Variants in TSEN2 observed in about 807,000 individuals in gnomAD.
The protein encoded by TSEN2 is tRNA splicing endonuclease subunit 2.
Under a neutral mutation model 59.2 loss-of-function variants are expected in TSEN2, and 54 were observed. The observed-to-expected ratio is 0.91, with a 90% CI of 0.73 to 1.14. TSEN2 has a LOEUF of 1.14. Among genes scored for constraint, TSEN2 ranks in the 50% most tolerant of loss-of-function variants. TSEN2 has a pLI of 0.00. For synonymous variants in TSEN2, 195 were observed against 198.2 expected, an observed-to-expected ratio of 0.98 and a Z score of 0.14; for missense variants, 636 against 576.2, an observed-to-expected ratio of 1.10 and a Z score of -1.06.
downstream of TSEN2, among the ~76,000 whole-genome samples, chr3:12,534,534 C>A (rs1292046964): frequency 5.9e-5 from 9 of 151,920 alleles, no homozygotes; most frequent in East Asian, 1.5e-3. Context: ...AAGGAGAGCC[C>A]AAAAAACACT....
chr3:12,494,256 T>A (rs967845244), intron 3 of TSEN2, among the ~76,000 whole-genome samples: 1 of 152,100 alleles, frequency 6.6e-6, no homozygotes, highest in African/African-American at 2.4e-5. Flanking sequence ...ATCCATATAA[T>A]GAAGGACCGT....
chr3:12,532,528 T>C, intron 11 of TSEN2, 134 bp from the exon 12 acceptor site: 1 of 787,544 alleles, frequency 1.3e-6, no homozygotes, highest in Non-Finnish European at 2.2e-6. Context: ...CAGATGTTTC[T>C]GTTCTAAAGG....
chr3:12,503,014 T>C (rs1407068784), intron 4 of TSEN2, among the ~76,000 whole-genome samples: 1 of 151,880 alleles, frequency 6.6e-6, no homozygotes, highest in Non-Finnish European at 1.5e-5. Flanking sequence ...GAGGTTGCAG[T>C]GAACCAAGAT....
At chr3:12,529,738 A>G (rs546385127) in intron 9 of TSEN2, 24 bp from the exon 10 acceptor site, 8 of 1,603,484 alleles carry the variant, frequency 5.0e-6, no homozygotes, top group Non-Finnish European at 6.8e-6. Flanking sequence ...ATTACTTTTA[A>G]CATGCTTTTT....
chr3:12,500,651 A>G (rs1426548940), intron 4 of TSEN2, among the ~76,000 whole-genome samples: 5 of 152,216 alleles, frequency 3.3e-5, no homozygotes, highest in African/African-American at 1.2e-4. Flanking sequence ...TAAAAACTCC[A>G]CAATGATATA....
downstream of TSEN2, among the ~76,000 whole-genome samples, chr3:12,537,044 G>A (rs1026283212): frequency 1.3e-5 from 2 of 150,638 alleles, no homozygotes; most frequent in African/African-American, 4.9e-5. Context: ...TGAAGTGAGA[G>A]AGAAGAAATA....
chr3:12,490,903 C>A (rs1324385778), intron 2 of TSEN2, among the ~76,000 whole-genome samples: 1 of 152,186 alleles, frequency 6.6e-6, no homozygotes, highest in Non-Finnish European at 1.5e-5. Context: ...CCAGGGAGGC[C>A]TTCATTTACA....
chr3:12,482,702 C>G (rs369559717), upstream of TSEN2, among the ~76,000 whole-genome samples: 1 of 152,270 alleles, frequency 6.6e-6, no homozygotes, highest in South Asian at 2.1e-4. Context: ...GCTCGGTTAT[C>G]TCTGACAACT....
chr3:12,525,421 T>C (rs1174065201), intron 8 of TSEN2, among the ~76,000 whole-genome samples: 1 of 152,244 alleles, frequency 6.6e-6, no homozygotes, highest in Non-Finnish European at 1.5e-5. Context: ...ATAATTATAA[T>C]AGTTGTCTGA....
rs766777732 is a variant in TSEN2, at chr3:12,519,174, G to T, written c.1076G>T (p.Gly359Val). ...FRSKGWVPKV[G>V]LKYGTDLLLY... ...AGCAAGGGCTGGGTGCCCAAAGTGG[G>T]ACTCAAGTACGGGACAGATTTACGT... is the stretch of plus-strand genomic sequence containing the variant. The change falls in exon 8 of 12, where the codon GGA becomes GTA. Residue 359 changes from glycine to valine, a missense_variant. By Grantham distance (109) the Gly-to-Val change is moderately radical (BLOSUM62 -3). Coordinates refer to ENST00000284995, the MANE Select transcript of TSEN2 (RefSeq NM_025265.4). 1.9e-6 allele frequency: 3 copies of T among 1,614,220 alleles called. No homozygotes were observed. The highest frequency in any genetic ancestry group is 2.2e-5 in the East Asian group (1 of 44,888).
At position 12,503,483 on chromosome 3, in the gene TSEN2, C is replaced by G; in HGVS notation, c.530C>G (p.Ser177Cys). 1 of 1,614,198 alleles carries G rather than the reference C, an allele frequency of 6.2e-7. No homozygotes were observed. Among genetic ancestry groups the G allele is most frequent in the East Asian group, 2.2e-5 (1 of 44,882 alleles). The part of the protein sequence containing the change: ...GERPSVVNGD[S>C]GKSGGVGDPR... ...AGACCTTCTGTGGTAAACGGGGACTCTGGAAAGTCAGGTGGTGTGGGTGAT... is the reference window on the plus strand; with the variant it reads ...AGACCTTCTGTGGTAAACGGGGACTGTGGAAAGTCAGGTGGTGTGGGTGAT... The change falls in exon 5 of 12, where the codon TCT becomes TGT. Residue 177 changes from serine (S) to cysteine (C), a missense_variant. Transcript: ENST00000284995.
chr3:12,503,978 A>T (rs1303494582), intron 5 of TSEN2, among the ~76,000 whole-genome samples, 194 bp downstream of exon 5: 1 of 152,192 alleles, frequency 6.6e-6, no homozygotes, highest in African/African-American at 2.4e-5. Flanking sequence ...CTTTTAAAAA[A>T]ATTTATAAAA....
rs2057584432 is a variant in TSEN2, at chr3:12,533,462, G to GC, written c.*741_*742insC. On this transcript the variant is annotated 3_prime_UTR_variant, in exon 12 of 12. Transcript: ENST00000284995. Reference sequence around the variant, plus strand: ...CATGGATCGCTTGAGCCCAGGAGTTGGAGACCAGCTTGGGCAACATGGTGA... The same window carrying GC: ...CATGGATCGCTTGAGCCCAGGAGTTGCGAGACCAGCTTGGGCAACATGGTGA... The GC allele has an allele frequency of 6.6e-6, 1 of 152,242 alleles. No individual in the cohort carries two copies. Among genetic ancestry groups the GC allele is most frequent in the Admixed American group, 6.6e-5 (1 of 15,258 alleles). 9.4% of individuals were successfully genotyped at this position (152,242 alleles called of 1,614,324 possible). A position where few individuals can be genotyped will look rare whatever the true frequency, so the allele number is the denominator to read the frequency against.
At chr3:12,527,485 G>T (rs1433682878) in intron 8 of TSEN2, among the ~76,000 whole-genome samples, 1 of 134,856 alleles carries the variant, frequency 7.4e-6, no homozygotes, top group Non-Finnish European at 1.5e-5. Flanking sequence ...ACGGAGTCTC[G>T]CTCTGTCGCC....
rs200548897 is a variant in TSEN2 at position 12,516,583 on chromosome 3, G to T, written c.910-28G>T. 6.1e-4 allele frequency: 991 copies of T among 1,612,234 alleles called. 1 individual carries two copies. The highest frequency in any genetic ancestry group is 8.0e-4 in the Admixed American group (48 of 59,936). On this transcript the variant is annotated intron_variant, in intron 6 of 11. Coordinates refer to ENST00000284995, the MANE Select transcript of TSEN2 (RefSeq NM_025265.4). ...ACAAGAATGTGAAACTATTTGTAAT[G>T]AGCATTTTCTGCTTGCTGTATTTTC... is the stretch of plus-strand genomic sequence containing the variant.
chr3:12,491,071 AC>A (rs1401592926), intron 2 of TSEN2, among the ~76,000 whole-genome samples: 5 of 151,938 alleles, frequency 3.3e-5, no homozygotes, highest in Non-Finnish European at 7.4e-5. Flanking sequence ...GCTCACTGCA[AC>A]CTCTACCTCC....
chr3:12,493,185 G>C (rs189877615), intron 3 of TSEN2, among the ~76,000 whole-genome samples: 60 of 152,288 alleles, frequency 3.9e-4, no homozygotes, highest in Admixed American at 1.2e-3. Flanking sequence ...TGGACACTTA[G>C]ATTGTTTCTG....
At chr3:12,514,381 C>A (rs2055828071) in intron 6 of TSEN2, among the ~76,000 whole-genome samples, 1 of 152,154 alleles carries the variant, frequency 6.6e-6, no homozygotes, top group Non-Finnish European at 1.5e-5. Context: ...GCAGTGAAAT[C>A]TCTTTGGAAA....
At chr3:12,515,395 C>T (rs552004553) in intron 6 of TSEN2, among the ~76,000 whole-genome samples, 1 of 152,304 alleles carries the variant, frequency 6.6e-6, no homozygotes, top group Non-Finnish European at 1.5e-5. Flanking sequence ...GGGCCCTCCT[C>T]GTCTGTGTCT....
Sources: gnomAD v4.1 joint callset for allele counts (sites outside exome capture counted in the v4.1 genomes callset) on GRCh38, gnomAD v4.1.1 for gene constraint, MANE v1.5 for transcripts, NCBI Gene and HGNC (gene_info 2026-07-23, HGNC 2026-07-21) for gene names.